TMEM132D: variants seen among roughly 807,000 people sequenced by gnomAD.
TMEM132D encodes mature OL transmembrane protein.
In TMEM132D, 21 loss-of-function variants were observed where a neutral mutation model predicts 62.3. That is an observed-to-expected ratio of 0.34 (90% CI 0.24 to 0.49). The LOEUF (loss-of-function observed/expected upper bound fraction) is 0.49, where lower values mean the gene tolerates loss of function less well. Ranked by LOEUF, TMEM132D falls within the 20% of genes least tolerant of loss-of-function variation. The pLI, the probability that TMEM132D is intolerant of heterozygous loss-of-function variation, is 0.99. For synonymous variants in TMEM132D, 621 were observed against 575.6 expected (o/e 1.08, Z -1.13); for missense variants, 1,346 against 1,402.8 (o/e 0.96, Z 0.65).
rs529527555 is a variant in TMEM132D at position 129,077,265 on chromosome 12, C to T, written c.2115+1269G>A. 7.2e-5 allele frequency among the ~76,000 whole-genome samples: 11 copies of T among 152,186 alleles called. No individual in the cohort carries two copies. The South Asian group carries it at 1.0e-3, about 14-fold the overall frequency. ...TACCTCACCCTGCCGAGGAAGAGTG[C>T]GCAGAAAAGGCTCCTGATCCAGAAG... On this transcript the variant is annotated intron_variant, in intron 8 of 8. Coordinates refer to ENST00000422113, the MANE Select transcript of TMEM132D (RefSeq NM_133448.3).
At chr12:129,428,593 T>A (rs900885507) in intron 3 of TMEM132D, among the ~76,000 whole-genome samples, 2 of 152,222 alleles carry the variant, frequency 1.3e-5, no homozygotes, top group Non-Finnish European at 2.9e-5. Context: ...GGGACAAAAT[T>A]CTTATTTTCC....
intron 3 of TMEM132D, among the ~76,000 whole-genome samples, chr12:129,395,162 G>A (rs1352614770): frequency 2.0e-5 from 3 of 152,130 alleles, no homozygotes; most frequent in African/African-American, 7.2e-5. Flanking sequence ...TGGAAAACTA[G>A]AGGTAGCAAT....
chr12:129,899,338 T>G (rs1334476723), intron 1 of TMEM132D, among the ~76,000 whole-genome samples: 2 of 119,332 alleles, frequency 1.7e-5, no homozygotes, highest in Non-Finnish European at 3.4e-5. Flanking sequence ...GATGGATGGA[T>G]GGATGATGGA....
intron 4 of TMEM132D, among the ~76,000 whole-genome samples, chr12:129,327,504 C>T (rs533677480): frequency 6.6e-6 from 1 of 152,332 alleles, no homozygotes; most frequent in Admixed American, 6.5e-5. Flanking sequence ...GTGGCTGTGG[C>T]CACCATACTG....
chr12:129,093,628 C>T lies in TMEM132D; in HGVS notation c.1444-8926G>A, dbSNP rs149733403. Among the ~76,000 whole-genome samples, 1,395 of 152,252 alleles carry T rather than the reference C, an allele frequency of 9.2e-3. 24 individuals carry two copies. The highest frequency in any genetic ancestry group is 0.032 in the African/African-American group (1,317 of 41,530). On this transcript the variant is annotated intron_variant, in intron 5 of 8. Coordinates refer to ENST00000422113, the MANE Select transcript of TMEM132D (RefSeq NM_133448.3). Reference sequence around the variant, plus strand: ...TACTGCCCAAGGTCATTTATAGATTCAATGTCATCTCCATCAAGCTACCAA... The same window carrying T: ...TACTGCCCAAGGTCATTTATAGATTTAATGTCATCTCCATCAAGCTACCAA...
intron 2 of TMEM132D, among the ~76,000 whole-genome samples, chr12:129,663,514 G>C (rs1207355823): frequency 1.3e-5 from 2 of 152,152 alleles, no homozygotes; most frequent in Non-Finnish European, 1.5e-5. Context: ...GACTTCACCA[G>C]GACATATTGA....
At chr12:129,661,242 T>C (rs1880229720) in intron 2 of TMEM132D, among the ~76,000 whole-genome samples, 1 of 152,216 alleles carries the variant, frequency 6.6e-6, no homozygotes, top group East Asian at 1.9e-4. Context: ...TTTAAAGCCA[T>C]GGACGCAGGC....
At chr12:129,896,736 T>C (rs1322765715) in intron 1 of TMEM132D, among the ~76,000 whole-genome samples, 7 of 152,164 alleles carry the variant, frequency 4.6e-5, no homozygotes, top group Non-Finnish European at 7.3e-5. Context: ...TTTACTTACT[T>C]CCTAAGAGTG....
At chr12:129,563,204 ACT>A (rs961938900) in intron 2 of TMEM132D, among the ~76,000 whole-genome samples, 1 of 152,002 alleles carries the variant, frequency 6.6e-6, no homozygotes, top group Non-Finnish European at 1.5e-5. Context: ...GCAAGATAAA[ACT>A]CTCCAAAGTA....
intron 3 of TMEM132D, among the ~76,000 whole-genome samples, chr12:129,480,507 G>A (rs903555699): frequency 6.6e-6 from 1 of 152,166 alleles, no homozygotes; most frequent in African/African-American, 2.4e-5. Context: ...CTGTGAATGA[G>A]CAAAATCATC....
At chr12:129,787,709 A>G (rs999538824) in intron 1 of TMEM132D, among the ~76,000 whole-genome samples, 11 of 152,294 alleles carry the variant, frequency 7.2e-5, no homozygotes, top group Middle Eastern at 3.4e-3. Flanking sequence ...CATCAACAGG[A>G]CAAAGCATAA....
chr12:129,139,555 C>T (rs149661100), intron 5 of TMEM132D, among the ~76,000 whole-genome samples: 159 of 152,280 alleles, frequency 1.0e-3, no homozygotes, highest in African/African-American at 3.7e-3. Context: ...ATAGAAAACA[C>T]CAAGCAAAAG....
At chr12:129,369,854 T>G (rs187374155) in intron 3 of TMEM132D, among the ~76,000 whole-genome samples, 1 of 152,250 alleles carries the variant, frequency 6.6e-6, no homozygotes, top group Non-Finnish European at 1.5e-5. Flanking sequence ...AATTTTCGCA[T>G]GCTTGTAAGC....
chr12:129,073,910 G>A lies in TMEM132D; in HGVS notation c.3265C>T (p.His1089Tyr). ...TCATGTAACCTCTCCATGTAGTTGTGCAGCTCTTTGCAGTCCCCAGGGTCC... is the reference window on the plus strand; with the variant it reads ...TCATGTAACCTCTCCATGTAGTTGTACAGCTCTTTGCAGTCCCCAGGGTCC... ...DLDPGDCKELHNYMERLHENV is the reference protein window; with the variant it reads ...DLDPGDCKELYNYMERLHENV Residue 1089 changes from histidine to tyrosine, a missense_variant, in exon 9 of 9, where the codon CAC becomes TAC. His to Tyr is a moderately conservative substitution (Grantham distance 83). Coordinates refer to ENST00000422113, the MANE Select transcript of TMEM132D (RefSeq NM_133448.3). The A allele has an allele frequency of 1.9e-6, 3 of 1,567,860 alleles. No homozygotes were observed. The highest frequency in any genetic ancestry group is 2.6e-6 in the Non-Finnish European group (3 of 1,158,818).
Position 129,333,286 on chromosome 12 carries a change from T to C in TMEM132D, c.1299+4348A>G, listed in dbSNP as rs770379729. 7.4e-4 allele frequency among the ~76,000 whole-genome samples: 112 copies of C among 152,192 alleles called. 1 individual carries two copies. The highest frequency in any genetic ancestry group is 1.5e-4 in the Non-Finnish European group (10 of 68,026). ...TTCTGGAAGGCAGTTTGGCAAACAT[T>C]ATGAAAAAGGAATACAATATTGCAT... is the stretch of plus-strand genomic sequence containing the variant. On this transcript the variant is annotated intron_variant, in intron 4 of 8. Transcript: ENST00000422113.
chr12:129,145,979 C>G (rs1216281124), intron 5 of TMEM132D, among the ~76,000 whole-genome samples: 2 of 151,968 alleles, frequency 1.3e-5, no homozygotes, highest in Admixed American at 6.6e-5. Context: ...GCCACAACAA[C>G]AAAATAAGGT....
intron 3 of TMEM132D, among the ~76,000 whole-genome samples, chr12:129,421,626 AGC>A (rs1872327069): frequency 6.6e-6 from 1 of 152,258 alleles, no homozygotes. Flanking sequence ...TTCTACTAGC[AGC>A]CCTGATGTCC....
At chr12:129,882,269 G>A (rs1042867836) in intron 1 of TMEM132D, among the ~76,000 whole-genome samples, 2 of 152,000 alleles carry the variant, frequency 1.3e-5, no homozygotes, top group African/African-American at 4.8e-5. Context: ...TCTCTTTTAC[G>A]AAGCCCGTAG....
intron 4 of TMEM132D, among the ~76,000 whole-genome samples, chr12:129,289,330 G>C (rs1477361714): frequency 6.6e-6 from 1 of 152,032 alleles, no homozygotes; most frequent in Non-Finnish European, 1.5e-5. Flanking sequence ...GATGACCTGA[G>C]TTCAGGAGTT....
Sources: gnomAD v4.1 joint callset for allele counts (sites outside exome capture counted in the v4.1 genomes callset) on GRCh38, gnomAD v4.1.1 for gene constraint, MANE v1.5 for transcripts, NCBI Gene and HGNC (gene_info 2026-07-23, HGNC 2026-07-21) for gene names.